Variants in FKBP6 observed in about 807,000 individuals in gnomAD.
The protein encoded by FKBP6 is inactive peptidyl-prolyl cis-trans isomerase FKBP6.
In FKBP6, 29 loss-of-function variants were observed where a neutral mutation model predicts 41.7. That is an observed-to-expected ratio of 0.70 (90% CI 0.52 to 0.95). The LOEUF (loss-of-function observed/expected upper bound fraction) is 0.95, where lower values mean the gene tolerates loss of function less well. Among genes scored for constraint, FKBP6 ranks in the 40% least tolerant of loss-of-function variants. FKBP6 has a pLI of 0.00. For synonymous variants in FKBP6, 130 were observed against 165.1 expected, an observed-to-expected ratio of 0.79 and a Z score of 1.63; for missense variants, 338 against 408.7, an observed-to-expected ratio of 0.83 and a Z score of 1.49.
At chr7:73,341,222 C>A in intron 6 of FKBP6, 51 bp from the exon 7 acceptor site, 1 of 1,315,488 alleles carries the variant, frequency 7.6e-7, no homozygotes, top group Non-Finnish European at 1.1e-6. Context: ...CCGTGCCCAG[C>A]CAAATGATAT....
At chr7:73,350,492 C>T (rs893925336) in intron 8 of FKBP6, among the ~76,000 whole-genome samples, 1 of 152,086 alleles carries the variant, frequency 6.6e-6, no homozygotes, top group African/African-American at 2.4e-5. Flanking sequence ...GACCCCGAAG[C>T]GGCCATGCAC....
At chr7:73,332,993 T>A (rs1469433928) in intron 5 of FKBP6, among the ~76,000 whole-genome samples, 2 of 152,146 alleles carry the variant, frequency 1.3e-5, no homozygotes, top group Admixed American at 1.3e-4. Context: ...CAAACATGGC[T>A]GGACGCAGTG....
In FKBP6 at chr7:73,349,163, A is replaced by G. The variant is rs1008444500; in HGVS notation, c.*2+6264A>G. 2.0e-5 allele frequency among the ~76,000 whole-genome samples: 3 copies of G among 152,134 alleles called. No homozygotes were observed. In the East Asian group the frequency reaches 5.8e-4, roughly 29 times the overall value. Reference sequence around the variant, plus strand: ...GGTGGCTCACGCCTGTAATCCCAGCACTTTGGGAGGCTGAGGCAGGTAGAT... The same window carrying G: ...GGTGGCTCACGCCTGTAATCCCAGCGCTTTGGGAGGCTGAGGCAGGTAGAT... On this transcript the variant is annotated intron_variant, in intron 8 of 8. Transcript: ENST00000252037.
chr7:73,340,831 A>G lies in FKBP6; in HGVS notation c.782A>G (p.Gln261Arg). Residue 261 changes from glutamine to arginine, a missense_variant and splice_region_variant, in exon 6 of 9, where the codon CAG becomes CGG. Physicochemically the swap from Gln to Arg is conservative, Grantham distance 43. Coordinates refer to ENST00000252037, the MANE Select transcript of FKBP6 (RefSeq NM_003602.5). ...KNAKALFRCG[Q>R]ACLLLTEYQK... Reference sequence around the variant, plus strand: ...GCCAAGGCCCTCTTCAGGTGTGGACAGGTGAGTTGGAAGCCAGTGACTTGG... The same window carrying G: ...GCCAAGGCCCTCTTCAGGTGTGGACGGGTGAGTTGGAAGCCAGTGACTTGG... 6.2e-7 allele frequency: 1 copy of G among 1,613,160 alleles called. No homozygotes were observed. The highest frequency in any genetic ancestry group is 8.5e-7 in the Non-Finnish European group (1 of 1,179,278).
intron 8 of FKBP6, among the ~76,000 whole-genome samples, chr7:73,350,918 G>A (rs982278680): frequency 1.1e-4 from 16 of 152,098 alleles, no homozygotes; most frequent in African/African-American, 3.6e-4. Flanking sequence ...CATCTCTCTC[G>A]GTATGTGACT....
rs2883081 is a variant in FKBP6 at position 73,330,290 on chromosome 7, G to A, written c.406G>A (p.Glu136Lys). The A allele has an allele frequency of 4.6e-5, 75 of 1,614,058 alleles. No homozygotes were observed. Among genetic ancestry groups the A allele is most frequent in the Non-Finnish European group, 6.2e-5 (73 of 1,180,034 alleles). The change falls in exon 4 of 9, where the codon GAG (glutamate) becomes AAG (lysine). Residue 136 changes from glutamate (E) to lysine (K), a missense_variant. Glu to Lys is a moderately conservative substitution (Grantham distance 56). Around this residue, in one of 2 missense-constraint regions of FKBP6, gnomAD observed 239 missense variants for 250.1 expected, o/e 0.96. Coordinates refer to ENST00000252037, the MANE Select transcript of FKBP6 (RefSeq NM_003602.5). ...CCCCCCAAACACCACTGTCCTGTTT[G>A]AGATTGAGCTGCTTGACTTCCTGGA... ...LIPPNTTVLF[E>K]IELLDFLDCA...
chr7:73,337,212 C>T (rs1805031289), intron 5 of FKBP6, among the ~76,000 whole-genome samples: 1 of 151,814 alleles, frequency 6.6e-6, no homozygotes, highest in Non-Finnish European at 1.5e-5. Flanking sequence ...CTGGTGAATG[C>T]CCAGAGTTTA....
chr7:73,335,912 CA>C (rs1427695285), intron 5 of FKBP6, among the ~76,000 whole-genome samples: 1 of 152,186 alleles, frequency 6.6e-6, no homozygotes, highest in Non-Finnish European at 1.5e-5. Context: ...AGAGGTTTTG[CA>C]CGTCTTTTCC....
chr7:73,340,640 C>T lies in FKBP6; in HGVS notation c.591C>T (p.Ala197=). ...CCATCTGCCTTCCCTCTCCACAGGC[C>T]CTATTGCTTCTGCGCCGGCGATCAG... is the stretch of plus-strand genomic sequence containing the variant. The part of the protein sequence containing the change: ...FYDAKVRYKR[A]LLLLRRRSAP... Residue 197 remains alanine (A), a splice_region_variant and synonymous_variant, in exon 6 of 9, where the codon GCC becomes GCT. Transcript: ENST00000252037. 6.2e-7 allele frequency: 1 copy of T among 1,613,162 alleles called. No homozygotes were observed. Among genetic ancestry groups the T allele is most frequent in the South Asian group, 1.1e-5 (1 of 91,028 alleles).
chr7:73,343,584 T>TA (rs1805256551), intron 8 of FKBP6, among the ~76,000 whole-genome samples: 1 of 152,038 alleles, frequency 6.6e-6, no homozygotes, highest in Non-Finnish European at 1.5e-5. Flanking sequence ...CTATTAGACT[T>TA]AGAGATTTGA....
chr7:73,341,825 G>A (rs1374632810), intron 7 of FKBP6, among the ~76,000 whole-genome samples: 1 of 151,772 alleles, frequency 6.6e-6, no homozygotes, highest in Admixed American at 6.6e-5. Context: ...CACCACATCT[G>A]GCTAATTGTT....
At chr7:73,352,856 C>T (rs541112221) in intron 8 of FKBP6, among the ~76,000 whole-genome samples, 1 of 152,228 alleles carries the variant, frequency 6.6e-6, no homozygotes, top group African/African-American at 2.4e-5. Flanking sequence ...GAAAAGGCAG[C>T]AAGAGGCAGA....
intron 2 of FKBP6, 63 bp downstream of exon 2, chr7:73,328,755 G>A: frequency 1.9e-6 from 3 of 1,611,434 alleles, no homozygotes; most frequent in Non-Finnish European, 2.5e-6. Context: ...GAAGAGAGAG[G>A]CCTCATTTTC....
intron 8 of FKBP6, among the ~76,000 whole-genome samples, chr7:73,349,712 C>CAAAAAAAAAA (rs1213747722): frequency 3.6e-5 from 1 of 27,858 alleles, no homozygotes; most frequent in African/African-American, 1.3e-4. Flanking sequence ...GACTCCGTCT[C>CAAAAAAAAAA]AAAAAAAAAA....
chr7:73,332,734 T>C (rs894892657), intron 5 of FKBP6, among the ~76,000 whole-genome samples: 10 of 152,204 alleles, frequency 6.6e-5, no homozygotes, highest in African/African-American at 1.9e-4. Flanking sequence ...AGAATTTCCA[T>C]CTCACTGCTC....
intron 8 of FKBP6, among the ~76,000 whole-genome samples, chr7:73,357,121 A>G (rs1805653867): frequency 6.6e-6 from 1 of 151,976 alleles, no homozygotes; most frequent in South Asian, 2.1e-4. Context: ...GGTGCGGTGC[A>G]TGCTTCTAGA....
rs1175280907 is a variant in FKBP6 at position 73,349,546 on chromosome 7, CAAAAA to C, written c.*2+6664_*2+6668del. Among the ~76,000 whole-genome samples, 10 of 48,688 alleles carry C rather than the reference CAAAAA, an allele frequency of 2.1e-4. No individual in the cohort carries two copies. In the East Asian group the frequency reaches 5.8e-3, roughly 28 times the overall value. 31.9% of individuals were successfully genotyped at this position (48,688 alleles called of 152,430 possible). On this transcript the variant is annotated intron_variant, in intron 8 of 8. Coordinates refer to ENST00000252037, the MANE Select transcript of FKBP6 (RefSeq NM_003602.5). ...GTGAAACCCCGTCTCTACTAAAATA[CAAAAA>C]AAAAAAAAAAAAAAAATACAGGCGT...
intron 8 of FKBP6, among the ~76,000 whole-genome samples, chr7:73,343,128 G>C (rs564863492): frequency 2.0e-5 from 3 of 152,242 alleles, no homozygotes; most frequent in African/African-American, 7.2e-5. Flanking sequence ...TATAGGTTCA[G>C]GGGGCCTTGA....
At chr7:73,353,444 G>A (rs147319572) in intron 8 of FKBP6, among the ~76,000 whole-genome samples, 1 of 152,270 alleles carries the variant, frequency 6.6e-6, no homozygotes, top group East Asian at 1.9e-4. Flanking sequence ...AGCATTCTCG[G>A]CTTAATCCTT....
Sources: allele counts gnomAD v4.1 joint callset (sites outside exome capture counted in the v4.1 genomes callset), GRCh38; gene constraint gnomAD v4.1.1; regional missense constraint gnomAD v4.1.1; transcripts MANE v1.5; gene names NCBI Gene and HGNC (gene_info 2026-07-23, HGNC 2026-07-21).